Variants in CNTLN observed in about 807,000 individuals in gnomAD.
CNTLN encodes the protein centlein, centrosomal protein.
Under a neutral mutation model 180.0 loss-of-function variants are expected in CNTLN, and 212 were observed. That is an observed-to-expected ratio of 1.18 (90% confidence interval 1.05 to 1.32). The LOEUF (loss-of-function observed/expected upper bound fraction) is 1.32. CNTLN is among the 40% of genes most tolerant of loss of function. CNTLN has a pLI of 0.00. For synonymous variants in CNTLN, 722 were observed against 563.1 expected (o/e 1.28, Z -3.99); for missense variants, 2,095 against 1,610.9 (o/e 1.30, Z -5.14).
chr9:17,265,446 T>A (rs957216729), intron 5 of CNTLN, among the ~76,000 whole-genome samples: 1 of 152,196 alleles, frequency 6.6e-6, no homozygotes, highest in Non-Finnish European at 1.5e-5. Flanking sequence ...GGTTTGCCAG[T>A]ATTTTATTGA....
chr9:17,470,862 T>C (rs1832012374), intron 23 of CNTLN, among the ~76,000 whole-genome samples: 1 of 152,046 alleles, frequency 6.6e-6, no homozygotes, highest in African/African-American at 2.4e-5. Context: ...TTTGGTAAGA[T>C]TTAGTAAGAT....
Position 17,149,115 on chromosome 9 carries a change from G to A in CNTLN, c.449+5739G>A, listed in dbSNP as rs1027157612. ...AGTTTGCTGGGAATGATGGTTTCCA[G>A]CTTCATCCATGTCCCTGCAAAGGAC... On this transcript the variant is annotated intron_variant, in intron 2 of 25. Coordinates refer to ENST00000380647, the MANE Select transcript of CNTLN (RefSeq NM_017738.4). Among the ~76,000 whole-genome samples, 7 of 152,154 alleles carry A rather than the reference G, an allele frequency of 4.6e-5. 1 individual carries two copies. Among genetic ancestry groups the A allele is most frequent in the Admixed American group, 4.6e-4 (7 of 15,278 alleles).
intron 18 of CNTLN, among the ~76,000 whole-genome samples, chr9:17,431,473 A>AT (rs1177357612): frequency 4.0e-5 from 6 of 151,874 alleles, no homozygotes; most frequent in African/African-American, 1.5e-4. Context: ...CTTTGCAAAT[A>AT]TTTTTTCTCA....
At chr9:17,148,687 A>G (rs182397391) in intron 2 of CNTLN, among the ~76,000 whole-genome samples, 5 of 152,324 alleles carry the variant, frequency 3.3e-5, no homozygotes, top group Admixed American at 2.6e-4. Context: ...ACTTGTGTTT[A>G]TAGTATAAGA....
chr9:17,499,941 A>G (rs567132569), intron 25 of CNTLN, among the ~76,000 whole-genome samples: 19 of 152,296 alleles, frequency 1.2e-4, no homozygotes, highest in Admixed American at 1.2e-3. Flanking sequence ...GGAAAATAGA[A>G]AAATTGAATT....
chr9:17,267,441 A>T (rs1226193041), intron 5 of CNTLN, among the ~76,000 whole-genome samples: 1 of 152,074 alleles, frequency 6.6e-6, no homozygotes, highest in Non-Finnish European at 1.5e-5. Flanking sequence ...TTTGTGGGTA[A>T]CCCGACCTTT....
intron 8 of CNTLN, among the ~76,000 whole-genome samples, chr9:17,316,803 GT>G (rs1185409088): frequency 6.6e-6 from 1 of 151,584 alleles, no homozygotes; most frequent in Non-Finnish European, 1.5e-5. Flanking sequence ...ATATTTTTCA[GT>G]TATTTCCTTA....
In CNTLN at chr9:17,298,197, C is replaced by G. The variant is rs1178991308; in HGVS notation, c.991C>G (p.Leu331Val). 1 of 1,517,856 alleles carries G rather than the reference C, an allele frequency of 6.6e-7. No individual in the cohort carries two copies. Among genetic ancestry groups the G allele is most frequent in the Non-Finnish European group, 8.8e-7 (1 of 1,133,630 alleles). The allele number at this position is 1,517,856 out of a possible 1,614,324, so 94.0% of individuals were successfully genotyped here. A position where few individuals can be genotyped will look rare whatever the true frequency, so the allele number is the denominator to read the frequency against. The change falls in exon 7 of 26, where the codon CTG (leucine) becomes GTG (valine). Residue 331 changes from leucine (L) to valine (V), a missense_variant. Physicochemically the swap from Leu to Val is conservative, Grantham distance 32. Transcript: ENST00000380647. ...DMDITLVRKELQELQNLYKQN... is the reference protein window; with the variant it reads ...DMDITLVRKEVQELQNLYKQN... ...ATTGCTTGCTTTGCACAGGAAGGAA[C>G]TGCAGGAGCTGCAGAATCTTTACAA...
chr9:17,141,868 G>C (rs987039015), intron 1 of CNTLN, among the ~76,000 whole-genome samples: 34 of 152,052 alleles, frequency 2.2e-4, no homozygotes, highest in African/African-American at 8.0e-4. Context: ...TAGATCATGA[G>C]GTCAGGAGTT....
At chr9:17,179,054 C>G (rs1240993494) in intron 2 of CNTLN, among the ~76,000 whole-genome samples, 4 of 146,538 alleles carry the variant, frequency 2.7e-5, no homozygotes, top group Admixed American at 2.7e-4. Flanking sequence ...ACCATCCCGG[C>G]TAAAACGGTG....
At chr9:17,485,331 A>G (rs1370670018) in intron 24 of CNTLN, among the ~76,000 whole-genome samples, 2 of 152,116 alleles carry the variant, frequency 1.3e-5, no homozygotes, top group Non-Finnish European at 2.9e-5. Flanking sequence ...AATAGAGCAA[A>G]TCTACAATAT....
intron 6 of CNTLN, among the ~76,000 whole-genome samples, chr9:17,295,290 G>A (rs912595366): frequency 3.3e-5 from 5 of 152,170 alleles, no homozygotes; most frequent in Non-Finnish European, 5.9e-5. Context: ...GTGCAGCGGC[G>A]GGCTGAAGGG....
chr9:17,280,887 GT>G (rs1563952475), intron 6 of CNTLN, among the ~76,000 whole-genome samples: 2 of 152,182 alleles, frequency 1.3e-5, no homozygotes, highest in African/African-American at 4.8e-5. Context: ...CATTTGAACT[GT>G]ATATATCTGG....
chr9:17,136,583 C>A (rs1339909500), intron 1 of CNTLN, among the ~76,000 whole-genome samples: 1 of 152,184 alleles, frequency 6.6e-6, no homozygotes, highest in Non-Finnish European at 1.5e-5. Context: ...CCAGCCTTGG[C>A]CTTCCAAAGT....
In CNTLN at chr9:17,328,620, A is replaced by G. The variant is rs891329340; in HGVS notation, c.1342-2012A>G. 1.2e-4 allele frequency among the ~76,000 whole-genome samples: 19 copies of G among 152,350 alleles called. No individual in the cohort carries two copies. In the East Asian group the frequency reaches 3.7e-3, roughly 29 times the overall value. ...AAAAGTGATAAAAGGCAAGAGAGAG[A>G]CAAACCAGACTTAAAGAAAATGGGA... On this transcript the variant is annotated intron_variant, in intron 8 of 25. Coordinates refer to ENST00000380647, the MANE Select transcript of CNTLN (RefSeq NM_017738.4).
chr9:17,149,899 G>A (rs571688996), intron 2 of CNTLN, among the ~76,000 whole-genome samples: 22 of 152,094 alleles, frequency 1.4e-4, no homozygotes, highest in Non-Finnish European at 3.2e-4. Context: ...TTTCTCTAAT[G>A]ACCAGTGATG....
At chr9:17,517,630 G>A in the CNTLN span, among the ~76,000 whole-genome samples, 1 of 151,996 alleles carries the variant, frequency 6.6e-6, no homozygotes, top group South Asian at 2.1e-4. Context: ...TCGGCTGAAG[G>A]AAGGCCAAGG....
At chr9:17,471,333 G>A (rs1408978280) in intron 23 of CNTLN, among the ~76,000 whole-genome samples, 1 of 151,938 alleles carries the variant, frequency 6.6e-6, no homozygotes, top group African/African-American at 2.4e-5. Flanking sequence ...TCAAAGAGTG[G>A]AAAACTAAAT....
chr9:17,378,390 A>C (rs1022732895), intron 13 of CNTLN, among the ~76,000 whole-genome samples: 8 of 152,138 alleles, frequency 5.3e-5, no homozygotes, highest in Non-Finnish European at 1.2e-4. Context: ...CATGTTGGCC[A>C]GGATGGTCTC....
Sources: allele counts gnomAD v4.1 joint callset (sites outside exome capture counted in the v4.1 genomes callset), GRCh38; gene constraint gnomAD v4.1.1; transcripts MANE v1.5; gene names NCBI Gene and HGNC (gene_info 2026-07-23, HGNC 2026-07-21).